MMRN1: variants seen among roughly 807,000 people sequenced by gnomAD.
MMRN1 encodes the protein multimerin 1, also known as multimerin-1.
Under a neutral mutation model 100.7 loss-of-function variants are expected in MMRN1, and 94 were observed. The observed-to-expected ratio is 0.93, with a 90% CI of 0.79 to 1.11. The LOEUF is 1.11. Ranked by LOEUF, MMRN1 falls within the 50% of genes least tolerant of loss-of-function variation. MMRN1 has a pLI of 0.00. For synonymous variants in MMRN1, 575 were observed against 505.0 expected, an observed-to-expected ratio of 1.14 and a Z score of -1.86; for missense variants, 1,606 against 1,439.1, an observed-to-expected ratio of 1.12 and a Z score of -1.88.
chr4:89,919,586 A>G (rs1249522743), intron 3 of MMRN1, among the ~76,000 whole-genome samples: 9 of 151,752 alleles, frequency 5.9e-5, no homozygotes, highest in African/African-American at 2.2e-4. Context: ...TATTTTTTAT[A>G]ATTATTTGGT....
intron 6 of MMRN1, chr4:89,951,378 A>T: frequency 2.6e-6 from 1 of 379,874 alleles, no homozygotes; most frequent in Non-Finnish European, 4.7e-6. Flanking sequence ...CAATAAATGT[A>T]ATGGATCACA....
Position 89,895,299 on chromosome 4 carries a change from G to A in MMRN1, c.328G>A (p.Val110Ile). 1 of 1,613,906 alleles carries A rather than the reference G, an allele frequency of 6.2e-7. No homozygotes were observed. The highest frequency in any genetic ancestry group is 1.1e-5 in the South Asian group (1 of 91,070). Residue 110 changes from valine (V) to isoleucine (I), a missense_variant, in exon 1 of 8, where the codon GTC (valine) becomes ATC (isoleucine). Val to Ile is a conservative substitution (Grantham distance 29, BLOSUM62 3). Coordinates refer to ENST00000264790, the MANE Select transcript of MMRN1 (RefSeq NM_007351.3). ...LTSTEKAEGV[V>I]KLQNLTLPTN... ...ATCCACAGAGAAAGCAGAAGGAGTGGTCAAGTTACAGAATCTTACCCTCCC... is the reference window on the plus strand; with the variant it reads ...ATCCACAGAGAAAGCAGAAGGAGTGATCAAGTTACAGAATCTTACCCTCCC...
At chr4:89,894,636 A>C (rs1221260180), upstream of MMRN1, 3 of 184,704 alleles carry the variant, frequency 1.6e-5, no homozygotes, top group Non-Finnish European at 3.4e-5. Context: ...ACGTGAAACC[A>C]GGGTGTGCTC....
At chr4:89,900,523 C>A (rs984104233) in intron 1 of MMRN1, among the ~76,000 whole-genome samples, 3 of 151,990 alleles carry the variant, frequency 2.0e-5, no homozygotes, top group Non-Finnish European at 4.4e-5. Flanking sequence ...TATTTTGTCA[C>A]CTTTATTTTT....
intron 6 of MMRN1, among the ~76,000 whole-genome samples, chr4:89,944,238 A>G (rs1722919974): frequency 1.3e-5 from 2 of 152,136 alleles, no homozygotes; most frequent in African/African-American, 4.8e-5. Context: ...AATTTTTGTG[A>G]CCATCTCTAA....
chr4:89,919,268 TTTTAAG>T (rs1722015185), intron 3 of MMRN1, among the ~76,000 whole-genome samples: 1 of 151,544 alleles, frequency 6.6e-6, no homozygotes, highest in South Asian at 2.1e-4. Flanking sequence ...ATAAAGTATT[TTTTAAG>T]TTTTTTACTT....
At chr4:89,942,708 A>G (rs565180768) in intron 6 of MMRN1, among the ~76,000 whole-genome samples, 1 of 152,290 alleles carries the variant, frequency 6.6e-6, no homozygotes, top group East Asian at 1.9e-4. Flanking sequence ...ATCAATATTA[A>G]TAAATCTAAA....
At position 89,932,064 on chromosome 4, in the gene MMRN1, T is replaced by C. The variant is rs58175201; in HGVS notation, c.1130-2746T>C. 9.4e-3 allele frequency among the ~76,000 whole-genome samples: 1,422 copies of C among 152,062 alleles called. 18 individuals carry two copies. Among genetic ancestry groups the C allele is most frequent in the African/African-American group, 0.031 (1,297 of 41,472 alleles). On this transcript the variant is annotated intron_variant, in intron 5 of 7. Coordinates refer to ENST00000264790, the MANE Select transcript of MMRN1 (RefSeq NM_007351.3). ...ATGAACCTGTAAAATCAAAAGCAAA[T>C]TAGTTACTTCCTAGATATAATGCAG...
At chr4:89,908,728 C>T (rs1213530280) in intron 1 of MMRN1, among the ~76,000 whole-genome samples, 1 of 151,344 alleles carries the variant, frequency 6.6e-6, no homozygotes, top group African/African-American at 2.4e-5. Flanking sequence ...ATTGTATTAA[C>T]TCATAAACAT....
intron 1 of MMRN1, among the ~76,000 whole-genome samples, chr4:89,884,763 T>C (rs1321109470): frequency 1.3e-5 from 2 of 151,918 alleles, no homozygotes; most frequent in Non-Finnish European, 2.9e-5. Flanking sequence ...CACCCGGCTT[T>C]AAAAACTTTG....
rs778318360 is a variant in MMRN1 at position 89,935,838 on chromosome 4, T to C, written c.2158T>C (p.Tyr720His). The change falls in exon 6 of 8, where the codon TAT becomes CAT. Residue 720 changes from tyrosine (Y) to histidine (H), a missense_variant. Transcript: ENST00000264790. The stretch of plus-strand genomic sequence containing the variant: ...TGCCTTAGAAAGACGTATCAATGAA[T>C]ATGCCTTAGAAATGGAAGATGGCCT... The part of the protein sequence containing the change: ...DDALERRINE[Y>H]ALEMEDGLNK... 5 of 1,613,138 alleles carry C rather than the reference T, an allele frequency of 3.1e-6. No homozygotes were observed. The highest frequency in any genetic ancestry group is 4.2e-6 in the Non-Finnish European group (5 of 1,179,554).
upstream of MMRN1, among the ~76,000 whole-genome samples, chr4:89,892,661 G>T (rs1325384409): frequency 6.6e-6 from 1 of 151,868 alleles, no homozygotes; most frequent in Admixed American, 6.6e-5. Flanking sequence ...TTAGCCTTTT[G>T]ATTTCAGGGT....
intron 6 of MMRN1, among the ~76,000 whole-genome samples, chr4:89,947,461 G>C (rs1419422501): frequency 6.6e-6 from 1 of 152,026 alleles, no homozygotes; most frequent in Admixed American, 6.6e-5. Flanking sequence ...AACTACTTTA[G>C]TATTTTCTAT....
Position 89,935,039 on chromosome 4 carries a change from G to C in MMRN1, c.1359G>C (p.Leu453Phe). ...FVLVQENRPT[L>F]TDIVELRNHI... ...TGGTGCAAGAGAATCGGCCCACTTT[G>C]ACTGATATAGTGGAACTAAGGAATC... Residue 453 changes from leucine to phenylalanine, a missense_variant, in exon 6 of 8, where the codon TTG becomes TTC. Coordinates refer to ENST00000264790, the MANE Select transcript of MMRN1 (RefSeq NM_007351.3). The C allele has an allele frequency of 6.2e-7, 1 of 1,613,524 alleles. No individual in the cohort carries two copies.
Position 89,936,632 on chromosome 4 carries a change from T to G in MMRN1, c.2952T>G (p.Cys984Trp). ...KTQAALSNLTCCIDRSLPGSL... is the reference protein window; with the variant it reads ...KTQAALSNLTWCIDRSLPGSL... ...AAGCTGCCCTATCTAATTTAACTTG[T>G]TGTATAGATCGATCGTTGCCTGGTA... is the stretch of plus-strand genomic sequence containing the variant. The change falls in exon 6 of 8, where the codon TGT (cysteine) becomes TGG (tryptophan). Residue 984 changes from cysteine (C) to tryptophan (W), a missense_variant. Physicochemically the swap from Cys to Trp is radical, Grantham distance 215. Coordinates refer to ENST00000264790, the MANE Select transcript of MMRN1 (RefSeq NM_007351.3). 1.2e-6 allele frequency: 2 copies of G among 1,613,390 alleles called. No homozygotes were observed. The highest frequency in any genetic ancestry group is 1.7e-6 in the Non-Finnish European group (2 of 1,179,608).
chr4:89,939,462 A>T (rs1259744302), intron 6 of MMRN1, among the ~76,000 whole-genome samples: 1 of 152,176 alleles, frequency 6.6e-6, no homozygotes, highest in Non-Finnish European at 1.5e-5. Flanking sequence ...ATTCATTAAC[A>T]TTTACTATAT....
At chr4:89,951,046 T>C (rs1203537978) in intron 6 of MMRN1, among the ~76,000 whole-genome samples, 2 of 152,156 alleles carry the variant, frequency 1.3e-5, no homozygotes, top group Admixed American at 6.5e-5. Flanking sequence ...TCTCTTATGG[T>C]TTCTGAGTTT....
At chr4:89,928,990 T>C (rs1161530415) in intron 5 of MMRN1, among the ~76,000 whole-genome samples, 1 of 152,110 alleles carries the variant, frequency 6.6e-6, no homozygotes, top group African/African-American at 2.4e-5. Context: ...CAGGATACAA[T>C]GGGACCACTT....
chr4:89,924,836 G>T (rs1722197245), intron 4 of MMRN1, among the ~76,000 whole-genome samples: 1 of 151,890 alleles, frequency 6.6e-6, no homozygotes, highest in African/African-American at 2.4e-5. Flanking sequence ...GAGCGAGACT[G>T]TCTCAAAAAT....
Sources: allele counts gnomAD v4.1 joint callset (sites outside exome capture counted in the v4.1 genomes callset), GRCh38; gene constraint gnomAD v4.1.1; transcripts MANE v1.5; gene names NCBI Gene and HGNC (gene_info 2026-07-23, HGNC 2026-07-21).